GPT2: variants seen among roughly 807,000 people sequenced by gnomAD.
GPT2 encodes alanine aminotransferase 2.
In GPT2, 30 loss-of-function variants were observed where a neutral mutation model predicts 56.9. The observed-to-expected ratio is 0.53, with a 90% confidence interval of 0.39 to 0.72. GPT2 has a LOEUF of 0.72. Among genes scored for constraint, GPT2 ranks in the 30% least tolerant of loss-of-function variants. GPT2 has a pLI of 0.00. For missense variants in GPT2, 542 were observed against 703.4 expected (o/e 0.77, Z 2.60); for synonymous variants, 271 against 283.1 (o/e 0.96, Z 0.43).
intron 1 of GPT2, 107 bp from the exon 2 acceptor site, chr16:46,884,587 A>G: frequency 1.7e-6 from 2 of 1,185,094 alleles, no homozygotes; most frequent in South Asian, 3.7e-5. Context: ...CGCCGAAGCC[A>G]GGCTGGCACC....
chr16:46,915,926 TAC>T (rs529188245), intron 6 of GPT2: 70 of 142,980 alleles, frequency 4.9e-4, no homozygotes, highest in South Asian at 3.8e-3. Context: ...CCACCACACC[TAC>T]ACACACACAC....
chr16:46,888,577 G>A (rs1370123629), intron 2 of GPT2, among the ~76,000 whole-genome samples: 1 of 152,082 alleles, frequency 6.6e-6, no homozygotes, highest in Non-Finnish European at 1.5e-5. Flanking sequence ...TTGAACTCCT[G>A]ACTTTGTGAT....
intron 9 of GPT2, 32 bp downstream of exon 9, chr16:46,922,448 T>C: frequency 6.4e-7 from 1 of 1,565,348 alleles, no homozygotes; most frequent in East Asian, 2.3e-5. Flanking sequence ...TGCACCCCTG[T>C]GGCCGGGGTC....
chr16:46,899,009 AT>A, intron 3 of GPT2, among the ~76,000 whole-genome samples: 1 of 2,022 alleles, frequency 4.9e-4, no homozygotes, highest in African/African-American at 7.7e-4. Context: ...ATATATATAT[AT>A]ATATATATAT....
At chr16:46,898,791 C>A (rs1960736551) in intron 3 of GPT2, among the ~76,000 whole-genome samples, 1 of 150,962 alleles carries the variant, frequency 6.6e-6, no homozygotes, top group Non-Finnish European at 1.5e-5. Flanking sequence ...TTCAAATGAT[C>A]CGCCTGCCTC....
At chr16:46,909,632 G>A (rs1301175794) in intron 5 of GPT2, 52 bp from the exon 6 acceptor site, 6 of 1,588,832 alleles carry the variant, frequency 3.8e-6, no homozygotes, top group Non-Finnish European at 5.2e-6. Flanking sequence ...GAAAGGCTAG[G>A]TCAGGGATGG....
chr16:46,926,727 C>T (rs768948483), intron 10 of GPT2, among the ~76,000 whole-genome samples, 198 bp from the exon 11 acceptor site: 2 of 152,236 alleles, frequency 1.3e-5, no homozygotes, highest in Non-Finnish European at 2.9e-5. Context: ...GGCTGTCCTG[C>T]AGTAGTTTTC....
At position 46,884,841 on chromosome 16, in the gene GPT2, C is replaced by G; in HGVS notation, c.126C>G (p.Ser42Arg). Residue 42 changes from serine to arginine, a missense_variant, in exon 2 of 12, where the codon AGC becomes AGG. Coordinates refer to ENST00000340124, the MANE Select transcript of GPT2 (RefSeq NM_133443.4). ...SAVLKVRPER[S>R]RRERILTLES... ...TGCTCAAGGTGCGGCCCGAGCGCAG[C>G]CGGCGCGAGCGCATCCTCACGCTGG... 2 of 1,541,450 alleles carry G rather than the reference C, an allele frequency of 1.3e-6. No individual in the cohort carries two copies. The highest frequency in any genetic ancestry group is 1.7e-6 in the Non-Finnish European group (2 of 1,143,954).
In GPT2 at chr16:46,884,741, G is replaced by C; in HGVS notation, c.26G>C (p.Arg9Pro). 1 of 1,395,702 alleles carries C rather than the reference G, an allele frequency of 7.2e-7. No individual in the cohort carries two copies. The highest frequency in any genetic ancestry group is 9.3e-7 in the Non-Finnish European group (1 of 1,073,350). The allele number at this position is 1,395,702 out of a possible 1,614,324, so 86.5% of individuals were successfully genotyped here. ...ATGCAGCGGGCGGCGGCGCTGGTCC[G>C]GCGGGGCTGTGGTCCCCGGACCCCC... MQRAAALV[R>P]RGCGPRTPSS... Residue 9 changes from arginine (R) to proline (P), a missense_variant, in exon 2 of 12, where the codon CGG becomes CCG. Arg to Pro is a moderately radical substitution (Grantham distance 103). Transcript: ENST00000340124.
chr16:46,920,720 G>A (rs1479884735), intron 8 of GPT2, among the ~76,000 whole-genome samples: 2 of 152,196 alleles, frequency 1.3e-5, no homozygotes, highest in African/African-American at 4.8e-5. Flanking sequence ...TGATCTGGGC[G>A]CAGGCTAACA....
At chr16:46,900,459 G>T (rs564524147) in intron 3 of GPT2, among the ~76,000 whole-genome samples, 2 of 152,262 alleles carry the variant, frequency 1.3e-5, no homozygotes, top group South Asian at 4.2e-4. Flanking sequence ...TCTTCCAGCA[G>T]CCCAGGTCAT....
At chr16:46,910,358 G>C (rs1461921488) in intron 6 of GPT2, among the ~76,000 whole-genome samples, 3 of 122,774 alleles carry the variant, frequency 2.4e-5, no homozygotes, top group Non-Finnish European at 4.8e-5. Context: ...TCAAGCCTGG[G>C]TGACAGAGCG....
intron 2 of GPT2, 98 bp from the exon 3 acceptor site, chr16:46,897,550 G>C (rs1456548735): frequency 2.8e-6 from 3 of 1,082,890 alleles, no homozygotes; most frequent in African/African-American, 1.6e-5. Context: ...CCTCAAAATA[G>C]GGCTGTTTAT....
intron 2 of GPT2, among the ~76,000 whole-genome samples, chr16:46,894,809 G>T (rs1287299705): frequency 6.6e-6 from 1 of 152,176 alleles, no homozygotes; most frequent in African/African-American, 2.4e-5. Context: ...GGGACTACAG[G>T]CGCCCGCCCC....
chr16:46,884,793 C>G lies in GPT2; in HGVS notation c.78C>G (p.Ser26Arg), dbSNP rs1270784014. The part of the protein sequence containing the change: ...TPSSWGRSQS[S>R]AAAEASAVLK... Reference sequence around the variant, plus strand: ...GCTCCTGGGGCCGCAGCCAGAGCAGCGCGGCCGCCGAGGCCTCGGCGGTGC... The same window carrying G: ...GCTCCTGGGGCCGCAGCCAGAGCAGGGCGGCCGCCGAGGCCTCGGCGGTGC... The change falls in exon 2 of 12, where the codon AGC becomes AGG. Residue 26 changes from serine (S) to arginine (R), a missense_variant. Physicochemically the swap from Ser to Arg is moderately radical, Grantham distance 110 (BLOSUM62 -1). Coordinates refer to ENST00000340124, the MANE Select transcript of GPT2 (RefSeq NM_133443.4). 2 of 1,516,890 alleles carry G rather than the reference C, an allele frequency of 1.3e-6. No individual in the cohort carries two copies. The highest frequency in any genetic ancestry group is 2.7e-5 in the East Asian group (1 of 37,292). 94.0% of individuals were successfully genotyped at this position (1,516,890 alleles called of 1,614,324 possible). A position where few individuals can be genotyped will look rare whatever the true frequency, so the allele number is the denominator to read the frequency against.
chr16:46,885,240 T>C (rs1960461105), intron 2 of GPT2: 1 of 1,191,232 alleles, frequency 8.4e-7, no homozygotes, highest in Admixed American at 4.5e-5. Flanking sequence ...GTGTCTGCCC[T>C]ACTCTCGTGG....
chr16:46,909,956 G>C (rs370047614), intron 6 of GPT2, 29 bp downstream of exon 6: 8 of 1,567,110 alleles, frequency 5.1e-6, no homozygotes, highest in Non-Finnish European at 6.9e-6. Context: ...CACCAGTTTC[G>C]TAGAGGGTGG....
At chr16:46,906,756 C>T (rs957966474) in intron 4 of GPT2, 86 bp from the exon 5 acceptor site, 11 of 1,546,672 alleles carry the variant, frequency 7.1e-6, no homozygotes, top group African/African-American at 2.7e-5. Context: ...AAACAGGCAT[C>T]CCTCTAATTA....
chr16:46,913,907 C>T (rs928634048), intron 6 of GPT2, among the ~76,000 whole-genome samples: 1 of 152,080 alleles, frequency 6.6e-6, no homozygotes, highest in African/African-American at 2.4e-5. Context: ...AACTGCACTC[C>T]AGCAAGAGTG....
Sources: gnomAD v4.1 joint callset for allele counts (sites outside exome capture counted in the v4.1 genomes callset) on GRCh38, gnomAD v4.1.1 for gene constraint, MANE v1.5 for transcripts, NCBI Gene and HGNC (gene_info 2026-07-23, HGNC 2026-07-21) for gene names.